The following ADCK1 variants were observed in gnomAD, a reference collection of about 807,000 sequenced individuals.
ADCK1 encodes aarF domain-containing protein kinase 1.
Under a neutral mutation model 52.3 loss-of-function variants are expected in ADCK1, and 41 were observed. The ratio of observed to expected loss-of-function variants is 0.78; its 90% CI spans 0.61 to 1.02. The LOEUF (loss-of-function observed/expected upper bound fraction) is 1.02. Among genes scored for constraint, ADCK1 ranks in the 50% least tolerant of loss-of-function variants. The pLI is 0.00. For synonymous variants in ADCK1, 250 were observed against 274.6 expected, an observed-to-expected ratio of 0.91 and a Z score of 0.89; for missense variants, 658 against 679.5, an observed-to-expected ratio of 0.97 and a Z score of 0.35.
intron 4 of ADCK1, among the ~76,000 whole-genome samples, chr14:77,871,299 C>T (rs1379424398): frequency 6.6e-6 from 1 of 152,056 alleles, no homozygotes; most frequent in Non-Finnish European, 1.5e-5. Context: ...AAATACGTAC[C>T]TTTCACCCAT....
chr14:77,861,377 C>T (rs965991935), intron 4 of ADCK1, among the ~76,000 whole-genome samples: 1 of 151,920 alleles, frequency 6.6e-6, no homozygotes, highest in Non-Finnish European at 1.5e-5. Flanking sequence ...GGGAGGGGAG[C>T]GGGGCCATGT....
At chr14:77,904,370 A>G (rs57643953) in intron 6 of ADCK1, among the ~76,000 whole-genome samples, 17,542 of 152,202 alleles carry the variant, frequency 0.12, 1,272 homozygotes, top group African/African-American at 0.2. Context: ...ACCCACAGTC[A>G]CACAGCTTTT....
At chr14:77,884,416 C>T (rs1393725307) in intron 4 of ADCK1, among the ~76,000 whole-genome samples, 1 of 152,192 alleles carries the variant, frequency 6.6e-6, no homozygotes, top group Non-Finnish European at 1.5e-5. Context: ...GTCCCTGTCC[C>T]AGCAAGGGGG....
intron 5 of ADCK1, among the ~76,000 whole-genome samples, chr14:77,893,507 C>A (rs1211332690): frequency 6.6e-6 from 1 of 152,084 alleles, no homozygotes; most frequent in East Asian, 1.9e-4. Context: ...GAATCTAACT[C>A]ATTGCCAAGT....
intron 3 of ADCK1, among the ~76,000 whole-genome samples, chr14:77,845,401 G>A (rs1314850022): frequency 6.6e-6 from 1 of 152,134 alleles, no homozygotes; most frequent in Non-Finnish European, 1.5e-5. Context: ...CATGATAGTA[G>A]CTCAATTAAA....
intron 3 of ADCK1, among the ~76,000 whole-genome samples, chr14:77,842,153 A>G (rs2082081646): frequency 6.6e-6 from 1 of 152,094 alleles, no homozygotes; most frequent in Non-Finnish European, 1.5e-5. Flanking sequence ...TTTCATTATT[A>G]TTATTATTTT....
intron 9 of ADCK1, among the ~76,000 whole-genome samples, chr14:77,931,176 T>G (rs1424101940): frequency 1.3e-5 from 2 of 152,212 alleles, no homozygotes. Context: ...CAGACTCAGC[T>G]GGTACTGGCT....
intron 4 of ADCK1, among the ~76,000 whole-genome samples, 200 bp from the exon 5 acceptor site, chr14:77,886,891 C>T (rs552377591): frequency 1.3e-5 from 2 of 150,266 alleles, no homozygotes; most frequent in South Asian, 2.1e-4. Flanking sequence ...TGGTCGACAG[C>T]GCGGGACTCT....
intron 5 of ADCK1, among the ~76,000 whole-genome samples, chr14:77,889,119 TG>T (rs1467184684): frequency 7.2e-5 from 11 of 152,228 alleles, no homozygotes; most frequent in African/African-American, 2.4e-4. Context: ...TGCTTCTCCT[TG>T]GCCTTCTGCC....
intron 1 of ADCK1, among the ~76,000 whole-genome samples, chr14:77,801,950 A>AC (rs1429926639): frequency 1.3e-5 from 2 of 152,190 alleles, no homozygotes; most frequent in East Asian, 3.9e-4. Context: ...AAAAAAAAAA[A>AC]ATTTAGTTGG....
chr14:77,849,869 A>T (rs1222417786), intron 3 of ADCK1, among the ~76,000 whole-genome samples: 1 of 152,030 alleles, frequency 6.6e-6, no homozygotes, highest in African/African-American at 2.4e-5. Flanking sequence ...ATTTACTGAG[A>T]TCTGCTTTAT....
chr14:77,861,458 C>T (rs2082546222), intron 4 of ADCK1, among the ~76,000 whole-genome samples: 1 of 151,872 alleles, frequency 6.6e-6, no homozygotes, highest in Admixed American at 6.6e-5. Flanking sequence ...TTCCAGCCTC[C>T]TCCAGCCCCT....
intron 10 of ADCK1, 114 bp from the exon 11 acceptor site, chr14:77,933,106 G>T (rs917737459): frequency 5.8e-6 from 6 of 1,034,102 alleles, no homozygotes; most frequent in Middle Eastern, 5.1e-4. Context: ...GTCCCTAGGG[G>T]CAGGGAGCTG....
At chr14:77,885,378 C>T (rs558475902) in intron 4 of ADCK1, among the ~76,000 whole-genome samples, 2 of 152,152 alleles carry the variant, frequency 1.3e-5, no homozygotes, top group African/African-American at 4.8e-5. Flanking sequence ...ATGAAGGGGG[C>T]CAGGGAAGCG....
chr14:77,889,899 A>AAC (rs1555356195), intron 5 of ADCK1, among the ~76,000 whole-genome samples: 1 of 151,528 alleles, frequency 6.6e-6, no homozygotes, highest in Non-Finnish European at 1.5e-5. Context: ...AAAAAAAAAA[A>AAC]AAAAACAGAA....
At chr14:77,878,234 T>G (rs1354662078) in intron 4 of ADCK1, among the ~76,000 whole-genome samples, 3 of 152,260 alleles carry the variant, frequency 2.0e-5, no homozygotes, top group Non-Finnish European at 2.9e-5. Flanking sequence ...ATTAGTCACT[T>G]AGTAAACATA....
At chr14:77,872,653 C>T (rs1170989375) in intron 4 of ADCK1, among the ~76,000 whole-genome samples, 1 of 149,004 alleles carries the variant, frequency 6.7e-6, no homozygotes, top group Non-Finnish European at 1.5e-5. Context: ...TGCTGTGCCG[C>T]CCCCAGGTCC....
At chr14:77,905,865 A>C (rs1478814546) in intron 6 of ADCK1, among the ~76,000 whole-genome samples, 1 of 152,196 alleles carries the variant, frequency 6.6e-6, no homozygotes. Context: ...TTTTTTAAAA[A>C]GAAACTTTTT....
At position 77,863,822 on chromosome 14, in the gene ADCK1, G is replaced by T. The variant is rs150668093; in HGVS notation, c.423+4543G>T. ...ATTGGACTCCAGCCTGGTCAAGAGA[G>T]TGAGACTCTGTCTCAAAAAGAAAAA... On this transcript the variant is annotated intron_variant, in intron 4 of 10. Transcript: ENST00000238561. Among the ~76,000 whole-genome samples, 1,102 of 151,830 alleles carry T rather than the reference G, an allele frequency of 7.3e-3. 8 individuals are homozygous for T. The highest frequency in any genetic ancestry group is 0.025 in the African/African-American group (1,047 of 41,392).
Sources: gnomAD v4.1 joint callset for allele counts (sites outside exome capture counted in the v4.1 genomes callset) on GRCh38, gnomAD v4.1.1 for gene constraint, MANE v1.5 for transcripts, NCBI Gene and HGNC (gene_info 2026-07-23, HGNC 2026-07-21) for gene names.